MYLK: variants seen among roughly 807,000 people sequenced by gnomAD.
MYLK encodes the protein myosin light chain kinase.
Under a neutral mutation model 203.4 loss-of-function variants are expected in MYLK, and 106 were observed. The observed-to-expected ratio is 0.52, with a 90% CI of 0.45 to 0.61. MYLK has a LOEUF of 0.61. Among genes scored for constraint, MYLK ranks in the 20% least tolerant of loss-of-function variants. The pLI is 0.00. For synonymous variants in MYLK, 867 were observed against 959.5 expected, an observed-to-expected ratio of 0.90 and a Z score of 1.78; for missense variants, 2,072 against 2,442.3, an observed-to-expected ratio of 0.85 and a Z score of 3.20.
intron 33 of MYLK, chr3:123,617,644 G>A (rs756678970): frequency 7.2e-5 from 11 of 152,312 alleles, no homozygotes; most frequent in Admixed American, 2.6e-4. Flanking sequence ...TGTGCTATGC[G>A]GCCTCGGGAA....
At chr3:123,834,587 T>C (rs1231851922) in intron 2 of MYLK, among the ~76,000 whole-genome samples, 4 of 151,704 alleles carry the variant, frequency 2.6e-5, no homozygotes, top group South Asian at 2.1e-4. Flanking sequence ...TGAGGGAGCA[T>C]TGGGATGCGC....
chr3:123,848,987 T>C (rs941384119), intron 2 of MYLK, among the ~76,000 whole-genome samples: 18 of 152,184 alleles, frequency 1.2e-4, no homozygotes, highest in African/African-American at 4.3e-4. Context: ...TTGGTAGGAA[T>C]TGAGGGCAGA....
intron 1 of MYLK, among the ~76,000 whole-genome samples, chr3:123,879,658 G>A (rs930472008): frequency 2.0e-5 from 3 of 151,996 alleles, no homozygotes; most frequent in Admixed American, 6.6e-5. Flanking sequence ...TTCTTGAGAC[G>A]GGGTCTCACA....
At chr3:123,847,200 G>T (rs1162999628) in intron 2 of MYLK, among the ~76,000 whole-genome samples, 3 of 152,000 alleles carry the variant, frequency 2.0e-5, no homozygotes, top group African/African-American at 7.2e-5. Flanking sequence ...GTATACAGCA[G>T]GATACATGTA....
chr3:123,830,602 C>T (rs2066290721), intron 3 of MYLK, among the ~76,000 whole-genome samples: 1 of 152,066 alleles, frequency 6.6e-6, no homozygotes, highest in Non-Finnish European at 1.5e-5. Flanking sequence ...TTCATGCCTC[C>T]CCAGGTCCAC....
rs1377469744 is a variant in MYLK at position 123,647,354 on chromosome 3, C to T, written c.4489G>A (p.Ala1497Thr). The T allele has an allele frequency of 6.2e-7, 1 of 1,614,250 alleles. No individual in the cohort carries two copies. Among genetic ancestry groups the T allele is most frequent in the South Asian group, 1.1e-5 (1 of 91,090 alleles). The part of the protein sequence containing the change: ...RKVWAGKFFK[A>T]YSAKEKENIR... ...TTCTCTTTCTCTTTTGCTGAATATGCCTTGAAGAACTTCCCTGCCCAGACT... is the reference window on the plus strand; with the variant it reads ...TTCTCTTTCTCTTTTGCTGAATATGTCTTGAAGAACTTCCCTGCCCAGACT... The change falls in exon 27 of 34, where the codon GCA becomes ACA. Residue 1497 changes from alanine (A) to threonine (T), a missense_variant. Transcript: ENST00000360304.
chr3:123,732,962 T>C lies in MYLK; in HGVS notation c.1450A>G (p.Thr484Ala), dbSNP rs1474632331. 1 of 1,614,180 alleles carries C rather than the reference T, an allele frequency of 6.2e-7. No individual in the cohort carries two copies. The highest frequency in any genetic ancestry group is 2.2e-5 in the East Asian group (1 of 44,880). ...LLKARTRDSGTYSCTASNAQG... is the reference protein window; with the variant it reads ...LLKARTRDSGAYSCTASNAQG... ...GCGTTGGAAGCAGTGCAGCTGTATG[T>C]CCCACTGTCCCTGGTCCGGGCTTTC... is the stretch of plus-strand genomic sequence containing the variant. Residue 484 changes from threonine to alanine, a missense_variant, in exon 11 of 34, where the codon ACA becomes GCA. Thr to Ala is a moderately conservative substitution (Grantham distance 58, BLOSUM62 0). Coordinates refer to ENST00000360304, the MANE Select transcript of MYLK (RefSeq NM_053025.4).
At chr3:123,794,646 A>G (rs1471218171) in intron 3 of MYLK, among the ~76,000 whole-genome samples, 2 of 152,210 alleles carry the variant, frequency 1.3e-5, no homozygotes, top group Non-Finnish European at 2.9e-5. Context: ...GGACTAGATA[A>G]GATGTGACTG....
chr3:123,880,647 G>A (rs1210880878), intron 1 of MYLK, among the ~76,000 whole-genome samples: 16 of 143,100 alleles, frequency 1.1e-4, no homozygotes, highest in Admixed American at 8.4e-4. Context: ...TGGGGACAAC[G>A]TGGGAAATCT....
intron 18 of MYLK, among the ~76,000 whole-genome samples, chr3:123,697,797 G>A (rs960434883): frequency 6.6e-6 from 1 of 152,162 alleles, no homozygotes; most frequent in Non-Finnish European, 1.5e-5. Context: ...GCTCTCTCTG[G>A]AATCCCTTTC....
At chr3:123,821,216 CT>C (rs1056666371) in intron 3 of MYLK, among the ~76,000 whole-genome samples, 1 of 152,082 alleles carries the variant, frequency 6.6e-6, no homozygotes, top group African/African-American at 2.4e-5. Context: ...TATTATTCAT[CT>C]TTTTTTATAT....
chr3:123,846,244 T>G (rs1298177215), intron 2 of MYLK, among the ~76,000 whole-genome samples: 1 of 152,216 alleles, frequency 6.6e-6, no homozygotes. Flanking sequence ...CTCATTGTTT[T>G]ATCATTCCCA....
intron 5 of MYLK, among the ~76,000 whole-genome samples, chr3:123,744,643 A>G (rs1576820211): frequency 6.6e-6 from 1 of 152,188 alleles, no homozygotes; most frequent in East Asian, 1.9e-4. Flanking sequence ...TTCAAGGTAA[A>G]ATCTCACCTT....
At chr3:123,712,109 C>T (rs1278273196) in intron 13 of MYLK, among the ~76,000 whole-genome samples, 1 of 152,224 alleles carries the variant, frequency 6.6e-6, no homozygotes, top group Non-Finnish European at 1.5e-5. Context: ...ATGGGGCTCT[C>T]AGGCCCCTGC....
chr3:123,876,967 A>G (rs1334718237), intron 1 of MYLK, among the ~76,000 whole-genome samples: 4 of 152,208 alleles, frequency 2.6e-5, no homozygotes, highest in Non-Finnish European at 5.9e-5. Context: ...TGTAAAAAGA[A>G]TTTTACAGGG....
chr3:123,810,628 G>C (rs950152065), intron 3 of MYLK, among the ~76,000 whole-genome samples: 11 of 152,242 alleles, frequency 7.2e-5, no homozygotes, highest in African/African-American at 2.7e-4. Flanking sequence ...AACAGGCTCA[G>C]GACAGTTCTC....
At chr3:123,688,870 C>A (rs1360196079) in intron 19 of MYLK, among the ~76,000 whole-genome samples, 3 of 152,198 alleles carry the variant, frequency 2.0e-5, no homozygotes, top group African/African-American at 7.2e-5. Flanking sequence ...GTATTCTCTC[C>A]CCCATTACCC....
chr3:123,747,256 CA>C lies in MYLK; in HGVS notation c.373+5074del, dbSNP rs540757010. 1.2e-4 allele frequency among the ~76,000 whole-genome samples: 19 copies of C among 152,298 alleles called. No individual in the cohort carries two copies. The East Asian group carries it at 3.7e-3, about 29-fold the overall frequency. On this transcript the variant is annotated intron_variant, in intron 5 of 33. Transcript: ENST00000360304. ...TACTCTTCTCCCTTAAATCTTGTGA[CA>C]GGGGGTCATTCTCCCTTCTGCTGTC...
At chr3:123,853,421 C>G (rs1164668184) in intron 2 of MYLK, among the ~76,000 whole-genome samples, 2 of 152,126 alleles carry the variant, frequency 1.3e-5, no homozygotes, top group African/African-American at 4.8e-5. Context: ...GAACAACAAA[C>G]TGGGAAGACA....
Sources: gnomAD v4.1 joint callset for allele counts (sites outside exome capture counted in the v4.1 genomes callset) on GRCh38, gnomAD v4.1.1 for gene constraint, MANE v1.5 for transcripts, NCBI Gene and HGNC (gene_info 2026-07-23, HGNC 2026-07-21) for gene names.